The following IDUA variants were observed in gnomAD, a reference collection of about 807,000 sequenced individuals.
The protein encoded by IDUA is iduronidase alpha-L-.
IDUA carries 65 observed loss-of-function variants against 68.9 expected under a neutral mutation model. The observed-to-expected ratio is 0.94, with a 90% CI of 0.77 to 1.16. The LOEUF (loss-of-function observed/expected upper bound fraction) is 1.16. IDUA is among the 50% of genes most tolerant of loss of function. IDUA has a pLI of 0.00. For synonymous variants in IDUA, 529 were observed against 433.6 expected (o/e 1.22, Z -2.73); for missense variants, 1,046 against 938.0 (o/e 1.12, Z -1.50).
chr4:987,034 C>T, upstream of IDUA: 4 of 1,479,860 alleles, frequency 2.7e-6, no homozygotes, highest in South Asian at 1.2e-5. Flanking sequence ...GACCCGGAGG[C>T]GGAACCGGCA....
Position 1,000,652 on chromosome 4 carries a change from C to A in IDUA, c.340C>A (p.Leu114Met), listed in dbSNP as rs372934646. Residue 114 changes from leucine to methionine, a missense_variant, in exon 3 of 14, where the codon CTG becomes ATG. By Grantham distance (15) the Leu-to-Met change is conservative (BLOSUM62 2). Coordinates refer to ENST00000514224, the MANE Select transcript of IDUA (RefSeq NM_000203.5). ...GGGCCTGAGCTACAACTTCACCCAC[C>A]TGGACGGGTACCTGGACCTTCTCAG... ...GRGLSYNFTH[L>M]DGYLDLLREN... 4.3e-5 allele frequency: 70 copies of A among 1,612,668 alleles called. 1 individual carries two copies. The highest frequency in any genetic ancestry group is 5.6e-5 in the Non-Finnish European group (66 of 1,179,930).
intron 2 of IDUA, chr4:988,776 G>C: frequency 6.8e-7 from 1 of 1,466,306 alleles, no homozygotes; most frequent in Non-Finnish European, 9.0e-7. Flanking sequence ...GTGGCTTGCA[G>C]ACGTCTGCTG....
rs747655234 is a variant in IDUA, at chr4:1,000,705, G to A, written c.385+8G>A. 3 of 1,604,856 alleles carry A rather than the reference G, an allele frequency of 1.9e-6. No homozygotes were observed. In the South Asian group the frequency reaches 3.3e-5, roughly 18 times the overall value. Reference sequence around the variant, plus strand: ...AGAACCAGCTCCTCCCAGGTGAGCTGTGGGCTCTGCCCTCCCAGCCCGCCT... The same window carrying A: ...AGAACCAGCTCCTCCCAGGTGAGCTATGGGCTCTGCCCTCCCAGCCCGCCT... On this transcript the variant is annotated splice_region_variant and intron_variant, in intron 3 of 13. Transcript: ENST00000514224.
chr4:987,609 TC>T, intron 1 of IDUA, 199 bp from the exon 2 acceptor site: 1 of 1,435,796 alleles, frequency 7.0e-7, no homozygotes, highest in South Asian at 1.5e-5. Flanking sequence ...CGTTGGCCCC[TC>T]GTCTTACTGC....
At chr4:997,164 C>T (rs1484685080) in intron 2 of IDUA, among the ~76,000 whole-genome samples, 1 of 152,182 alleles carries the variant, frequency 6.6e-6, no homozygotes, top group Non-Finnish European at 1.5e-5. Flanking sequence ...TCCCAGAGAC[C>T]CTCCCGCGGG....
intron 2 of IDUA, chr4:990,720 T>G: frequency 2.5e-6 from 1 of 398,396 alleles, no homozygotes; most frequent in Non-Finnish European, 4.5e-6. Flanking sequence ...CTGCCCCCCA[T>G]GCAGATGTGG....
chr4:1,003,065 A>T lies in IDUA; in HGVS notation c.1432A>T (p.Asn478Tyr). 6.6e-7 allele frequency: 1 copy of T among 1,520,178 alleles called. No homozygotes were observed. Among genetic ancestry groups the T allele is most frequent in the Admixed American group, 2.0e-5 (1 of 49,646 alleles). 94.2% of individuals were successfully genotyped at this position (1,520,178 alleles called of 1,614,324 possible). ...GGTCTACGTCACGCGCTACCTGGAC[A>T]ACGGGCTCTGCAGCCCCGACGGCGA... ...GLVYVTRYLD[N>Y]GLCSPDGEWR... Residue 478 changes from asparagine to tyrosine, a missense_variant, in exon 10 of 14, where the codon AAC becomes TAC. Asn to Tyr is a moderately radical substitution (Grantham distance 143). Coordinates refer to ENST00000514224, the MANE Select transcript of IDUA (RefSeq NM_000203.5).
chr4:999,011 T>C (rs1045974445), intron 2 of IDUA, among the ~76,000 whole-genome samples: 2 of 152,024 alleles, frequency 1.3e-5, no homozygotes, highest in Non-Finnish European at 1.5e-5. Context: ...GAAACCATCC[T>C]GGCTAACATG....
chr4:987,756 C>T lies in IDUA; in HGVS notation c.159-53C>T, dbSNP rs917606210. 3.7e-6 allele frequency: 6 copies of T among 1,608,738 alleles called. No individual in the cohort carries two copies. In the African/African-American group the frequency reaches 4.0e-5, roughly 11 times the overall value. ...TGGGCTTGAACGTGTGTGTCAGCCG[C>T]GCTGCCAGCCATGCTGAGGCTCGGG... is the stretch of plus-strand genomic sequence containing the variant. On this transcript the variant is annotated intron_variant, in intron 1 of 13. Transcript: ENST00000514224.
chr4:998,184 A>G (rs954514242), intron 2 of IDUA, among the ~76,000 whole-genome samples: 4 of 152,108 alleles, frequency 2.6e-5, no homozygotes, highest in African/African-American at 7.2e-5. Flanking sequence ...CTCCTGCTGG[A>G]CACCCAGCCC....
In IDUA at chr4:987,058, C is replaced by T. The variant is rs774596398; in HGVS notation, c.-27C>T. On this transcript the variant is annotated 5_prime_UTR_variant, in exon 1 of 14. Coordinates refer to ENST00000514224, the MANE Select transcript of IDUA (RefSeq NM_000203.5). ...GCGGAACCGGCAGTGCAGCCCGAAG[C>T]CCCGCAGTCCCCGAGCACGCGTGGC... is the stretch of plus-strand genomic sequence containing the variant. 5.3e-6 allele frequency: 8 copies of T among 1,511,990 alleles called. No homozygotes were observed. The highest frequency in any genetic ancestry group is 1.4e-5 in the African/African-American group (1 of 69,302). 93.7% of individuals were successfully genotyped at this position (1,511,990 alleles called of 1,614,324 possible).
chr4:991,513 C>A, intron 2 of IDUA: 1 of 1,608,216 alleles, frequency 6.2e-7, no homozygotes, highest in Non-Finnish European at 8.5e-7. Flanking sequence ...CTCCCGCGGG[C>A]GGTACTGACG....
rs138731804 is a variant in IDUA, at chr4:1,000,974, G to A, written c.478G>A (p.Ala160Thr). 4 of 1,612,512 alleles carry A rather than the reference G, an allele frequency of 2.5e-6. No individual in the cohort carries two copies. The Admixed American group carries it at 5.0e-5, about 20-fold the overall frequency. ...FEWKDLVSSL[A>T]RRYIGRYGLA... The stretch of plus-strand genomic sequence containing the variant: ...GTGGAAGGACTTGGTCTCCAGCCTG[G>A]CCAGGAGATACATCGGTGGGCGAGC... The change falls in exon 4 of 14, where the codon GCC becomes ACC. Residue 160 changes from alanine (A) to threonine (T), a missense_variant. By Grantham distance (58) the Ala-to-Thr change is moderately conservative. Transcript: ENST00000514224.
At chr4:991,176 G>A (rs561308977) in intron 2 of IDUA, 33 of 1,580,654 alleles carry the variant, frequency 2.1e-5, no homozygotes, top group African/African-American at 5.4e-5. Context: ...CACGGATGGC[G>A]TAGCAGTCAC....
rs1232852509 is a variant in IDUA at position 1,003,136 on chromosome 4, C to A, written c.1503C>A (p.Phe501Leu). 6 of 1,464,242 alleles carry A rather than the reference C, an allele frequency of 4.1e-6. No individual in the cohort carries two copies. In the South Asian group the frequency reaches 6.9e-5, roughly 17 times the overall value. The allele number at this position is 1,464,242 out of a possible 1,614,324, so 90.7% of individuals were successfully genotyped here. The change falls in exon 10 of 14, where the codon TTC becomes TTA. Residue 501 changes from phenylalanine to leucine, a missense_variant. Physicochemically the swap from Phe to Leu is conservative, Grantham distance 22. Transcript: ENST00000514224. ...CCGTCTTCCCCACGGCAGAGCAGTT[C>A]CGGCGCATGCGCGCGGCTGAGGTAG... ...GRPVFPTAEQ[F>L]RRMRAAEDPV...
In IDUA at chr4:991,215, G is replaced by A. The variant is rs201107401; in HGVS notation, c.299+3266G>A. On this transcript the variant is annotated intron_variant, in intron 2 of 13. Transcript: ENST00000514224. ...CGCAGTCCAGCATGGCAGCCGAGCC[G>A]TTGAGGGTGCTGCTGTTGGCTCCGG... The A allele has an allele frequency of 2.9e-5, 47 of 1,609,060 alleles. No homozygotes were observed. Among genetic ancestry groups the A allele is most frequent in the East Asian group, 1.6e-4 (7 of 44,786 alleles).
At position 1,004,292 on chromosome 4, in the gene IDUA, C is replaced by T. The variant is rs121965025; in HGVS notation, c.1861C>T (p.Arg621Ter). ...TGAVSGSYRV[R>*]ALDYWARPGP... The stretch of plus-strand genomic sequence containing the variant: ...TGCTGTCTCTGGCTCCTACCGAGTT[C>T]GAGCCCTGGACTACTGGGCCCGACC... Residue 621 changes from arginine to a stop codon, truncating the protein, a stop_gained, in exon 14 of 14, where the codon CGA becomes TGA. Coordinates refer to ENST00000514224, the MANE Select transcript of IDUA (RefSeq NM_000203.5). LOFTEE classifies it low-confidence loss of function (END_TRUNC). This position sits in a 1 kb window ranked among gnomAD's most constrained non-coding sequence, Gnocchi z 5.0. 1.3e-5 allele frequency: 21 copies of T among 1,610,956 alleles called. No homozygotes were observed. The highest frequency in any genetic ancestry group is 8.3e-5 in the Admixed American group (5 of 60,004).
At chr4:999,167 T>C (rs1432714479) in intron 2 of IDUA, among the ~76,000 whole-genome samples, 1 of 148,892 alleles carries the variant, frequency 6.7e-6, no homozygotes, top group Admixed American at 6.7e-5. Context: ...ATCGCGCCAC[T>C]GCACCCCAGG....
At chr4:988,396 A>G in intron 2 of IDUA, 1 of 1,055,932 alleles carries the variant, frequency 9.5e-7, no homozygotes, top group Non-Finnish European at 1.1e-6. Context: ...AAACACAGAG[A>G]CCCTCGTGCA....
Sources: gnomAD v4.1 joint callset for allele counts (sites outside exome capture counted in the v4.1 genomes callset) on GRCh38, gnomAD v4.1.1 for gene constraint, Gnocchi (gnomAD v3.1) non-coding constraint, MANE v1.5 for transcripts, NCBI Gene and HGNC (gene_info 2026-07-23, HGNC 2026-07-21) for gene names.